Variants in MCTP1 observed in about 807,000 individuals in gnomAD.
MCTP1 encodes multiple C2 and transmembrane domain containing 1.
Under a neutral mutation model 120.6 loss-of-function variants are expected in MCTP1, and 69 were observed. The observed-to-expected ratio is 0.57, with a 90% CI of 0.47 to 0.70. The LOEUF (loss-of-function observed/expected upper bound fraction) is 0.70, where lower values mean the gene tolerates loss of function less well. Among genes scored for constraint, MCTP1 ranks in the 30% least tolerant of loss-of-function variants. MCTP1 has a pLI of 0.00. For synonymous variants in MCTP1, 529 were observed against 493.1 expected (o/e 1.07, Z -0.96); for missense variants, 1,203 against 1,248.8 (o/e 0.96, Z 0.55).
chr5:95,270,149 A>G (rs1300988601), intron 1 of MCTP1, among the ~76,000 whole-genome samples: 4 of 152,128 alleles, frequency 2.6e-5, no homozygotes, highest in Non-Finnish European at 5.9e-5. Context: ...ATTTTTTTTT[A>G]AGTAGAACTG....
At chr5:94,894,867 C>CTT (rs34628738) in intron 10 of MCTP1, 32 bp from the exon 11 acceptor site, 32,730 of 984,938 alleles carry the variant, frequency 0.033, 269 homozygotes, top group African/African-American at 0.11. Context: ...CAGCAAGTGG[C>CTT]TTTTTTTTTT....
intron 6 of MCTP1, among the ~76,000 whole-genome samples, chr5:94,930,267 AT>A (rs869306266): frequency 0.034 from 3,385 of 100,914 alleles, 28 homozygotes; most frequent in African/African-American, 0.081. Flanking sequence ...TTAAAGAAGA[AT>A]TTTTTTTTTT....
chr5:94,868,782 C>A (rs544172145), intron 16 of MCTP1, among the ~76,000 whole-genome samples: 53 of 151,690 alleles, frequency 3.5e-4, no homozygotes, highest in Admixed American at 3.9e-4. Context: ...AACTCTTAAA[C>A]CTTATTGTGG....
chr5:95,021,889 T>C (rs1171494791), intron 1 of MCTP1, among the ~76,000 whole-genome samples: 1 of 152,154 alleles, frequency 6.6e-6, no homozygotes, highest in Non-Finnish European at 1.5e-5. Context: ...TTTAACATGA[T>C]GTTTATGAAG....
At chr5:95,218,446 A>T (rs1753287817) in intron 1 of MCTP1, among the ~76,000 whole-genome samples, 2 of 152,276 alleles carry the variant, frequency 1.3e-5, no homozygotes, top group South Asian at 4.2e-4. Flanking sequence ...GTAATCTGGG[A>T]CATCATTTTA....
intron 1 of MCTP1, among the ~76,000 whole-genome samples, chr5:95,247,545 T>C (rs1258837244): frequency 6.6e-6 from 1 of 152,208 alleles, no homozygotes; most frequent in Non-Finnish European, 1.5e-5. Context: ...TAAATTCTCC[T>C]CTACATGCTG....
chr5:94,885,878 G>C (rs1581189540), intron 12 of MCTP1, among the ~76,000 whole-genome samples: 3 of 152,276 alleles, frequency 2.0e-5, no homozygotes, highest in Admixed American at 2.0e-4. Context: ...GTGAAAAGCT[G>C]CCCACAATTT....
At chr5:94,749,003 C>T (rs1013835203) in intron 19 of MCTP1, among the ~76,000 whole-genome samples, 1 of 152,188 alleles carries the variant, frequency 6.6e-6, no homozygotes, top group Non-Finnish European at 1.5e-5. Flanking sequence ...TTTGATGCTT[C>T]TGCTGTAATT....
chr5:94,862,369 G>C (rs1795973669), intron 17 of MCTP1, among the ~76,000 whole-genome samples: 1 of 151,846 alleles, frequency 6.6e-6, no homozygotes, highest in Non-Finnish European at 1.5e-5. Context: ...AGAGCAGAAA[G>C]CCCTTTTGCT....
intron 19 of MCTP1, among the ~76,000 whole-genome samples, chr5:94,749,479 A>T (rs1427839081): frequency 6.6e-6 from 1 of 152,020 alleles, no homozygotes; most frequent in Non-Finnish European, 1.5e-5. Context: ...ACATGGCGAA[A>T]CCCTGTCTCT....
At chr5:95,181,552 C>T (rs561178718) in intron 1 of MCTP1, among the ~76,000 whole-genome samples, 1 of 152,122 alleles carries the variant, frequency 6.6e-6, no homozygotes, top group Admixed American at 6.5e-5. Flanking sequence ...TAAAAATTAT[C>T]ATACCTCTTG....
chr5:94,897,776 C>G (rs1360008560), intron 10 of MCTP1, among the ~76,000 whole-genome samples: 1 of 152,128 alleles, frequency 6.6e-6, no homozygotes, highest in East Asian at 1.9e-4. Flanking sequence ...TTTTGTAACC[C>G]AGGTGCTAAG....
intron 1 of MCTP1, among the ~76,000 whole-genome samples, chr5:95,079,168 G>C (rs142865543): frequency 0.011 from 1,690 of 152,158 alleles, 13 homozygotes; most frequent in Non-Finnish European, 0.017. Context: ...TATCTCAGGG[G>C]GGATAAGCAT....
chr5:94,826,025 GTGCTC>G (rs1786985168), intron 17 of MCTP1: 1 of 318,372 alleles, frequency 3.1e-6, no homozygotes, highest in Admixed American at 3.4e-5. Flanking sequence ...TACAAAATGG[GTGCTC>G]TGTTTCTTCA....
At chr5:94,854,160 A>C (rs1794297157) in intron 17 of MCTP1, among the ~76,000 whole-genome samples, 1 of 151,894 alleles carries the variant, frequency 6.6e-6, no homozygotes, top group Non-Finnish European at 1.5e-5. Context: ...CTCCTTACTC[A>C]GTAAAGAAAC....
At chr5:95,139,141 T>C (rs1363250805) in intron 1 of MCTP1, among the ~76,000 whole-genome samples, 1 of 152,140 alleles carries the variant, frequency 6.6e-6, no homozygotes, top group Non-Finnish European at 1.5e-5. Flanking sequence ...AACACATCCA[T>C]CAAAAAAGTT....
chr5:95,082,305 T>A (rs1327665059), intron 1 of MCTP1, among the ~76,000 whole-genome samples: 1 of 152,206 alleles, frequency 6.6e-6, no homozygotes, highest in Non-Finnish European at 1.5e-5. Context: ...CTCTAGTAAA[T>A]GTGGCAATTT....
At chr5:95,190,338 A>G (rs1749686359) in intron 1 of MCTP1, among the ~76,000 whole-genome samples, 1 of 152,154 alleles carries the variant, frequency 6.6e-6, no homozygotes, top group Admixed American at 6.5e-5. Context: ...TTAAGACATG[A>G]GGAAAAGATG....
At chr5:94,778,590 C>T (rs540177829) in intron 19 of MCTP1, among the ~76,000 whole-genome samples, 2 of 152,284 alleles carry the variant, frequency 1.3e-5, no homozygotes, top group African/African-American at 4.8e-5. Context: ...AATGGAGAAA[C>T]CACGTGGCCA....
Sources: allele counts gnomAD v4.1 joint callset (sites outside exome capture counted in the v4.1 genomes callset), GRCh38; gene constraint gnomAD v4.1.1; transcripts MANE v1.5; gene names NCBI Gene and HGNC (gene_info 2026-07-23, HGNC 2026-07-21).